CLSPN: variants seen among roughly 807,000 people sequenced by gnomAD.
CLSPN encodes claspin, also known as claspin homolog.
In CLSPN, 85 loss-of-function variants were observed where a neutral mutation model predicts 156.3. That is an observed-to-expected ratio of 0.54 (90% CI 0.46 to 0.65). The LOEUF is 0.65. CLSPN is among the 30% of genes least tolerant of loss of function. The pLI is 0.00. For missense variants in CLSPN, 1,407 were observed against 1,554.9 expected, an observed-to-expected ratio of 0.90 and a Z score of 1.60; for synonymous variants, 534 against 542.4, an observed-to-expected ratio of 0.98 and a Z score of 0.22.
chr1:35,758,011 T>C (rs1340607893), intron 8 of CLSPN, among the ~76,000 whole-genome samples: 2 of 152,072 alleles, frequency 1.3e-5, no homozygotes, highest in Admixed American at 6.6e-5. Flanking sequence ...GTTTTGTTTT[T>C]CTTTTTGTTT....
chr1:35,767,933 T>C (rs532246764), intron 1 of CLSPN, among the ~76,000 whole-genome samples: 2 of 152,292 alleles, frequency 1.3e-5, no homozygotes, highest in African/African-American at 4.8e-5. Context: ...CTTGATCAGT[T>C]AGTGACCTTA....
chr1:35,753,677 C>CAAT, intron 9 of CLSPN, 68 bp downstream of exon 9: 2 of 1,430,906 alleles, frequency 1.4e-6, no homozygotes, highest in Non-Finnish European at 9.8e-7. Flanking sequence ...ATAAGGTTTT[C>CAAT]AATAGCCTTG....
Position 35,734,458 on chromosome 1 carries a change from T to A in CLSPN, c.*2038A>T. ...ACTTTGGGAGGCCGAGACGGGTGGATCACCTCAGGTCAGGAGTTCAAGACC... is the reference window on the plus strand; with the variant it reads ...ACTTTGGGAGGCCGAGACGGGTGGAACACCTCAGGTCAGGAGTTCAAGACC... On this transcript the variant is annotated 3_prime_UTR_variant, in exon 25 of 25. Transcript: ENST00000318121. 1 of 695,866 alleles carries A rather than the reference T, an allele frequency of 1.4e-6. No individual in the cohort carries two copies. The highest frequency in any genetic ancestry group is 1.8e-6 in the Non-Finnish European group (1 of 566,124). The allele number at this position is 695,866 out of a possible 1,614,324, so 43.1% of individuals were successfully genotyped here. A position where few individuals can be genotyped will look rare whatever the true frequency, so the allele number is the denominator to read the frequency against.
intron 1 of CLSPN, among the ~76,000 whole-genome samples, chr1:35,767,411 A>G (rs939596018): frequency 6.6e-6 from 1 of 152,224 alleles, no homozygotes. Flanking sequence ...AAAAATGGGT[A>G]GCTGTATGAA....
chr1:35,745,265 CT>C (rs1480421718), intron 16 of CLSPN, among the ~76,000 whole-genome samples, 185 bp downstream of exon 16: 2 of 152,084 alleles, frequency 1.3e-5, no homozygotes, highest in Non-Finnish European at 2.9e-5. Flanking sequence ...TATTAAATAG[CT>C]TTCATATTCT....
At chr1:35,753,504 A>G (rs1642164005) in intron 9 of CLSPN, among the ~76,000 whole-genome samples, 1 of 151,600 alleles carries the variant, frequency 6.6e-6, no homozygotes, top group Non-Finnish European at 1.5e-5. Context: ...TTTATTCTAT[A>G]TATTTGTCTA....
chr1:35,734,303 C>A lies in CLSPN; in HGVS notation c.*2193G>T, dbSNP rs1225133949. 13 of 984,862 alleles carry A rather than the reference C, an allele frequency of 1.3e-5. No homozygotes were observed. Among genetic ancestry groups the A allele is most frequent in the Non-Finnish European group, 1.4e-5 (12 of 829,524 alleles). 61.0% of individuals were successfully genotyped at this position (984,862 alleles called of 1,614,324 possible). A position where few individuals can be genotyped will look rare whatever the true frequency, so the allele number is the denominator to read the frequency against. Reference sequence around the variant, plus strand: ...AAAAACTACATACATATTAAAACATCTTTATACACATTTTCCCCATTATAA... The same window carrying A: ...AAAAACTACATACATATTAAAACATATTTATACACATTTTCCCCATTATAA... On this transcript the variant is annotated 3_prime_UTR_variant, in exon 25 of 25. Transcript: ENST00000318121.
intron 6 of CLSPN, 68 bp downstream of exon 6, chr1:35,761,930 C>G: frequency 9.5e-7 from 1 of 1,056,096 alleles, no homozygotes; most frequent in Non-Finnish European, 1.5e-6. Context: ...ATAAAAGTCC[C>G]CAACATCCAA....
At chr1:35,767,781 G>A (rs192757782) in intron 1 of CLSPN, among the ~76,000 whole-genome samples, 2 of 152,292 alleles carry the variant, frequency 1.3e-5, no homozygotes, top group Admixed American at 6.5e-5. Flanking sequence ...TTTCAGACGA[G>A]AGATATTCAA....
In CLSPN at chr1:35,764,568, C is replaced by A. The variant is rs1386785371; in HGVS notation, c.280G>T (p.Ala94Ser). ...AEEENKENLYAGKNTKIKRIY... is the reference protein window; with the variant it reads ...AEEENKENLYSGKNTKIKRIY... ...CTTTTGATTTTTGTATTTTTCCCAG[C>A]ATATAAATTCTCTTTATTTTCCTCC... The change falls in exon 3 of 25, where the codon GCT becomes TCT. Residue 94 changes from alanine to serine, a missense_variant. By Grantham distance (99) the Ala-to-Ser change is moderately conservative (BLOSUM62 1). This residue lies in a region of CLSPN where 1,096 missense variants were observed against 1,193.0 expected (regional missense o/e 0.92). Transcript: ENST00000318121. 1.9e-6 allele frequency: 3 copies of A among 1,613,940 alleles called. No homozygotes were observed. The East Asian group carries it at 6.7e-5, about 36-fold the overall frequency.
intron 21 of CLSPN, 45 bp from the exon 22 acceptor site, chr1:35,738,142 A>ACTG: frequency 1.4e-6 from 1 of 721,516 alleles, no homozygotes; most frequent in Non-Finnish European, 2.0e-6. Flanking sequence ...ATATATATAC[A>ACTG]GCATTAAAAG....
chr1:35,725,885 A>G (rs1304306980), intron 24 of CLSPN, among the ~76,000 whole-genome samples: 1 of 152,030 alleles, frequency 6.6e-6, no homozygotes, highest in East Asian at 1.9e-4. Flanking sequence ...AGGCTGGGGA[A>G]ACATGGCCCC....
At position 35,733,461 on chromosome 1, in the gene CLSPN, C is replaced by T; in HGVS notation, c.*3035G>A. Reference sequence around the variant, plus strand: ...GGACCTGGCTGAATTTTCTTATCCTCAGTTGTCAATTCCAATTGTCTTTTC... The same window carrying T: ...GGACCTGGCTGAATTTTCTTATCCTTAGTTGTCAATTCCAATTGTCTTTTC... On this transcript the variant is annotated 3_prime_UTR_variant, in exon 25 of 25. Coordinates refer to ENST00000318121, the MANE Select transcript of CLSPN (RefSeq NM_022111.4). 1 of 985,118 alleles carries T rather than the reference C, an allele frequency of 1.0e-6. No individual in the cohort carries two copies. The highest frequency in any genetic ancestry group is 1.2e-6 in the Non-Finnish European group (1 of 829,868). 61.0% of individuals were successfully genotyped at this position (985,118 alleles called of 1,614,324 possible).
At position 35,734,379 on chromosome 1, in the gene CLSPN, T is replaced by C; in HGVS notation, c.*2117A>G. The C allele has an allele frequency of 1.0e-6, 1 of 985,264 alleles. No individual in the cohort carries two copies. Among genetic ancestry groups the C allele is most frequent in the Non-Finnish European group, 1.2e-6 (1 of 829,856 alleles). 61.0% of individuals were successfully genotyped at this position (985,264 alleles called of 1,614,324 possible). ...TTGTCAAAGTCAACATCTTGAGTAT[T>C]AGAAAACTGTAGAAAACCGGCCGGG... On this transcript the variant is annotated 3_prime_UTR_variant, in exon 25 of 25. Coordinates refer to ENST00000318121, the MANE Select transcript of CLSPN (RefSeq NM_022111.4).
chr1:35,745,433 C>T lies in CLSPN; in HGVS notation c.2966+18G>A. The T allele has an allele frequency of 6.4e-7, 1 of 1,562,662 alleles. No homozygotes were observed. Among genetic ancestry groups the T allele is most frequent in the Non-Finnish European group, 8.8e-7 (1 of 1,133,938 alleles). On this transcript the variant is annotated intron_variant, in intron 16 of 24. Transcript: ENST00000318121. ...AAAAGGCCAGGCCTTCCCAAATTCCCAGCAATCTGAGACTTACTTGTCTGT... is the reference window on the plus strand; with the variant it reads ...AAAAGGCCAGGCCTTCCCAAATTCCTAGCAATCTGAGACTTACTTGTCTGT...
At position 35,735,550 on chromosome 1, in the gene CLSPN, A is replaced by G; in HGVS notation, c.*946T>C. ...TGGTGACTCCCTGTCTCCACTAAAA[A>G]TACAAAAATTAGCCAGGTGTGGTGG... On this transcript the variant is annotated 3_prime_UTR_variant, in exon 25 of 25. Transcript: ENST00000318121. The G allele has an allele frequency of 1.9e-6, 1 of 536,688 alleles. No individual in the cohort carries two copies. The highest frequency in any genetic ancestry group is 6.4e-5 in the Admixed American group (1 of 15,704). 33.2% of individuals were successfully genotyped at this position (536,688 alleles called of 1,614,324 possible).
chr1:35,738,405 A>G (rs1557501440), intron 21 of CLSPN, 50 bp downstream of exon 21: 15 of 1,580,094 alleles, frequency 9.5e-6, no homozygotes, highest in African/African-American at 1.4e-5. Context: ...CTATCATGAC[A>G]AGCTAAGGGA....
At position 35,769,969 on chromosome 1, in the gene CLSPN, T is replaced by C. The variant is rs1270831360; in HGVS notation, c.-99A>G. On this transcript the variant is annotated 5_prime_UTR_variant, in exon 1 of 25. Transcript: ENST00000318121. ...CGCCGTCTCCAGCCCAGCAGTGCTG[T>C]TCTTGCTTTCCCGCCCAGCCAGAGT... 3 of 1,444,622 alleles carry C rather than the reference T, an allele frequency of 2.1e-6. No homozygotes were observed. Among genetic ancestry groups the C allele is most frequent in the East Asian group, 2.4e-5 (1 of 42,016 alleles). 89.5% of individuals were successfully genotyped at this position (1,444,622 alleles called of 1,614,324 possible).
In CLSPN at chr1:35,735,354, T is replaced by A. The variant is rs1457182171; in HGVS notation, c.*1142A>T. The A allele has an allele frequency of 1.0e-6, 1 of 985,068 alleles. No homozygotes were observed. Among genetic ancestry groups the A allele is most frequent in the African/African-American group, 1.7e-5 (1 of 57,158 alleles). 61.0% of individuals were successfully genotyped at this position (985,068 alleles called of 1,614,324 possible). On this transcript the variant is annotated 3_prime_UTR_variant, in exon 25 of 25. Transcript: ENST00000318121. ...CCTTGGGAAGAAGCATACAGGAAAA[T>A]GAAAGGGGTAAGAGTAATACAGCAG...
Sources: gnomAD v4.1 joint callset for allele counts (sites outside exome capture counted in the v4.1 genomes callset) on GRCh38, gnomAD v4.1.1 for gene constraint, gnomAD v4.1.1 regional missense constraint, MANE v1.5 for transcripts, NCBI Gene and HGNC (gene_info 2026-07-23, HGNC 2026-07-21) for gene names.